The following ZCCHC14 variants were observed in gnomAD, a reference collection of about 807,000 sequenced individuals.
ZCCHC14 encodes zinc finger CCHC domain-containing protein 14.
Under a neutral mutation model 85.0 loss-of-function variants are expected in ZCCHC14, and 16 were observed. That is an observed-to-expected ratio of 0.19 (90% CI 0.13 to 0.29). The LOEUF (loss-of-function observed/expected upper bound fraction) is 0.29, where lower values mean the gene tolerates loss of function less well. Among genes scored for constraint, ZCCHC14 ranks in the 10% least tolerant of loss-of-function variants. The pLI is 1.00. For missense variants in ZCCHC14, 1,303 were observed against 1,443.5 expected (o/e 0.90, Z 1.58); for synonymous variants, 775 against 630.7 (o/e 1.23, Z -3.43).
chr16:87,433,814 T>C (rs1909780950), intron 2 of ZCCHC14, among the ~76,000 whole-genome samples: 1 of 152,158 alleles, frequency 6.6e-6, no homozygotes, highest in Non-Finnish European at 1.5e-5. Context: ...TGGCTGATTT[T>C]TGTACTTTTA....
intron 1 of ZCCHC14, among the ~76,000 whole-genome samples, chr16:87,487,237 A>G (rs564168346): frequency 1.1e-3 from 163 of 152,246 alleles, no homozygotes; most frequent in Non-Finnish European, 1.5e-3. Flanking sequence ...ACCTACCCCT[A>G]AAGAAGACCA....
chr16:87,411,037 G>C (rs1412826410), intron 12 of ZCCHC14, among the ~76,000 whole-genome samples: 1 of 152,220 alleles, frequency 6.6e-6, no homozygotes, highest in Non-Finnish European at 1.5e-5. Context: ...AAAAATAGCG[G>C]AGATAAAACA....
chr16:87,412,219 C>T lies in ZCCHC14; in HGVS notation c.2502G>A (p.Gln834=). 6.2e-7 allele frequency: 1 copy of T among 1,613,924 alleles called. No individual in the cohort carries two copies. The highest frequency in any genetic ancestry group is 8.5e-7 in the Non-Finnish European group (1 of 1,180,022). ...TGTTGCTGTTTGCACAGAAGCCACC[C>T]TGCAGGGGGCCCACTGGCATACTGC... ...AMSSMPVGPL[Q]GGFCANSNTA... Residue 834 remains glutamine (Q), a synonymous_variant, in exon 12 of 13, where the codon CAG becomes CAA. Transcript: ENST00000671377.
chr16:87,448,146 T>A (rs550999006), intron 2 of ZCCHC14, among the ~76,000 whole-genome samples: 1 of 152,222 alleles, frequency 6.6e-6, no homozygotes, highest in Non-Finnish European at 1.5e-5. Context: ...TTTCCTTATA[T>A]AGGCTGTATT....
chr16:87,437,584 C>G lies in ZCCHC14; in HGVS notation c.695-4383G>C, dbSNP rs969012748. ...CCAGGCAGGCCTGTGTGGGGACAAACACGGCTGGGGCAAAGGGACCCGAGG... is the reference window on the plus strand; with the variant it reads ...CCAGGCAGGCCTGTGTGGGGACAAAGACGGCTGGGGCAAAGGGACCCGAGG... On this transcript the variant is annotated intron_variant, in intron 2 of 12. Coordinates refer to ENST00000671377, the MANE Select transcript of ZCCHC14 (RefSeq NM_015144.3). Among the ~76,000 whole-genome samples the G allele has an allele frequency of 3.3e-5, 5 of 152,204 alleles. No individual in the cohort carries two copies. In the South Asian group the frequency reaches 6.2e-4, roughly 19 times the overall value.
intron 1 of ZCCHC14, among the ~76,000 whole-genome samples, chr16:87,465,141 G>C (rs570237025): frequency 6.6e-6 from 1 of 152,316 alleles, no homozygotes; most frequent in African/African-American, 2.4e-5. Context: ...CCTCTGCCTG[G>C]AAGCGCCCCT....
At chr16:87,464,087 G>GCA (rs1340285948) in intron 1 of ZCCHC14, among the ~76,000 whole-genome samples, 2 of 152,102 alleles carry the variant, frequency 1.3e-5, no homozygotes, top group African/African-American at 2.4e-5. Flanking sequence ...GTGCGTTCTC[G>GCA]CACACACACA....
intron 1 of ZCCHC14, among the ~76,000 whole-genome samples, chr16:87,482,278 C>G (rs12051022): frequency 0.15 from 22,430 of 152,012 alleles, 4,429 homozygotes; most frequent in African/African-American, 0.45. Context: ...ACTGGCAAAA[C>G]CACAGCTGAA....
chr16:87,489,942 A>C (rs1285423561), intron 1 of ZCCHC14, among the ~76,000 whole-genome samples: 2 of 152,198 alleles, frequency 1.3e-5, no homozygotes, highest in Admixed American at 1.3e-4. Context: ...TACACAAAGG[A>C]GTAACAGCAC....
chr16:87,439,912 C>G (rs1910104271), intron 2 of ZCCHC14, among the ~76,000 whole-genome samples: 1 of 152,344 alleles, frequency 6.6e-6, no homozygotes, highest in Non-Finnish European at 1.5e-5. Flanking sequence ...TCTCTACATC[C>G]TTTAATTAAA....
chr16:87,417,774 G>A (rs1449744477), intron 7 of ZCCHC14, 32 bp from the exon 8 acceptor site: 6 of 1,533,582 alleles, frequency 3.9e-6, no homozygotes, highest in Non-Finnish European at 5.2e-6. Context: ...GACACAGAGA[G>A]ACTGTGGCTT....
In ZCCHC14 at chr16:87,441,142, G is replaced by A. The variant is rs543759973; in HGVS notation, c.695-7941C>T. Among the ~76,000 whole-genome samples the A allele has an allele frequency of 2.8e-4, 43 of 151,816 alleles. No homozygotes were observed. The East Asian group carries it at 4.9e-3, about 17-fold the overall frequency. On this transcript the variant is annotated intron_variant, in intron 2 of 12. Transcript: ENST00000671377. ...CAAGTAGCTGGGACTACAGGCGCCC[G>A]CCACCACGCCCAGCTAATTTTTTGT...
intron 2 of ZCCHC14, among the ~76,000 whole-genome samples, chr16:87,434,136 T>A (rs771874189): frequency 6.6e-6 from 1 of 152,240 alleles, no homozygotes; most frequent in Non-Finnish European, 1.5e-5. Context: ...GGCATCAGCC[T>A]ACTCATCCCG....
intron 2 of ZCCHC14, among the ~76,000 whole-genome samples, chr16:87,454,401 A>G (rs1315988770): frequency 6.6e-6 from 1 of 152,260 alleles, no homozygotes; most frequent in East Asian, 1.9e-4. Context: ...CAGCCAGAGA[A>G]AAATGGCCCA....
At chr16:87,478,868 G>C in intron 1 of ZCCHC14, among the ~76,000 whole-genome samples, 1 of 152,016 alleles carries the variant, frequency 6.6e-6, no homozygotes, top group South Asian at 2.1e-4. Context: ...GCCTCCCAAA[G>C]TGCTAGGATT....
At chr16:87,436,632 T>C (rs1909936410) in intron 2 of ZCCHC14, among the ~76,000 whole-genome samples, 1 of 152,240 alleles carries the variant, frequency 6.6e-6, no homozygotes, top group Non-Finnish European at 1.5e-5. Flanking sequence ...GGCTTACGCC[T>C]AAGTGATGGG....
intron 2 of ZCCHC14, among the ~76,000 whole-genome samples, chr16:87,456,277 T>C (rs563872228): frequency 5.3e-5 from 8 of 152,098 alleles, no homozygotes; most frequent in Non-Finnish European, 1.2e-4. Context: ...ACGCCTGTAA[T>C]CCCAGCACTT....
chr16:87,477,153 C>CAAAAAAAAAAAAAAAAAAAAA (rs1412376609), intron 1 of ZCCHC14, among the ~76,000 whole-genome samples: 6 of 116,202 alleles, frequency 5.2e-5, no homozygotes, highest in African/African-American at 2.7e-4. Context: ...AAAACAAAAC[C>CAAAAAAAAAAAAAAAAAAAAA]AAAAAAAAAT....
chr16:87,452,630 C>T (rs953054469), intron 2 of ZCCHC14, among the ~76,000 whole-genome samples: 3 of 152,118 alleles, frequency 2.0e-5, no homozygotes, highest in Non-Finnish European at 4.4e-5. Flanking sequence ...TAATGCAGCC[C>T]ACCAGCTGCA....
Sources: gnomAD v4.1 joint callset for allele counts (sites outside exome capture counted in the v4.1 genomes callset) on GRCh38, gnomAD v4.1.1 for gene constraint, MANE v1.5 for transcripts, NCBI Gene and HGNC (gene_info 2026-07-23, HGNC 2026-07-21) for gene names.